The following ADGRV1 variants were observed in gnomAD, a reference collection of about 807,000 sequenced individuals.
ADGRV1 encodes the protein G-protein coupled receptor 98.
A neutral mutation model predicts 596.2 loss-of-function variants in ADGRV1; 359 were observed. The ratio of observed to expected loss-of-function variants is 0.60; its 90% CI spans 0.55 to 0.66. The LOEUF is 0.66. ADGRV1 is among the 30% of genes least tolerant of loss of function. The pLI is 0.00. For missense variants in ADGRV1, 7,274 were observed against 7,575.6 expected (o/e 0.96, Z 1.48); for synonymous variants, 2,681 against 2,679.2 (o/e 1.00, Z -0.02).
chr5:90,999,380 G>T (rs1781680799), intron 85 of ADGRV1, among the ~76,000 whole-genome samples: 1 of 151,834 alleles, frequency 6.6e-6, no homozygotes, highest in Non-Finnish European at 1.5e-5. Context: ...TTAACTCAGG[G>T]TTAAAACGGT....
rs1359745459 is a variant in ADGRV1 at position 90,836,873 on chromosome 5, T to A, written c.16612-3705T>A. Among the ~76,000 whole-genome samples the A allele has an allele frequency of 2.0e-5, 3 of 152,230 alleles. No individual in the cohort carries two copies. In the East Asian group the frequency reaches 5.8e-4, roughly 29 times the overall value. The stretch of plus-strand genomic sequence containing the variant: ...TATTTTCCTGTTGCTTAATTGCCCT[T>A]GTGTTGTTCTCTAAGTGCTAGGCAT... On this transcript the variant is annotated intron_variant, in intron 77 of 89. Coordinates refer to ENST00000405460, the MANE Select transcript of ADGRV1 (RefSeq NM_032119.4).
At chr5:90,987,834 G>C (rs1780620556) in intron 85 of ADGRV1, among the ~76,000 whole-genome samples, 1 of 151,980 alleles carries the variant, frequency 6.6e-6, no homozygotes, top group Non-Finnish European at 1.5e-5. Context: ...CATTATGGAA[G>C]AGCTAAGAAT....
intron 87 of ADGRV1, among the ~76,000 whole-genome samples, chr5:91,139,535 A>C (rs779957778): frequency 5.3e-5 from 8 of 152,220 alleles, no homozygotes; most frequent in Non-Finnish European, 1.0e-4. Context: ...TTTCTCTTCA[A>C]ATGGAACACC....
intron 85 of ADGRV1, among the ~76,000 whole-genome samples, chr5:91,003,795 G>A (rs1257592838): frequency 2.0e-5 from 3 of 152,156 alleles, no homozygotes; most frequent in African/African-American, 7.2e-5. Flanking sequence ...AATATTTACA[G>A]TCATCAAAAT....
intron 87 of ADGRV1, among the ~76,000 whole-genome samples, chr5:91,104,206 G>T (rs1671017456): frequency 6.6e-6 from 1 of 152,108 alleles, no homozygotes; most frequent in African/African-American, 2.4e-5. Context: ...GTAGGTTATT[G>T]TTATATTTCA....
intron 74 of ADGRV1, 35 bp from the exon 75 acceptor site, chr5:90,815,584 T>C: frequency 8.4e-7 from 1 of 1,196,426 alleles, no homozygotes; most frequent in Non-Finnish European, 1.2e-6. Context: ...TAAATAATTC[T>C]TGAATATATT....
intron 1 of ADGRV1, among the ~76,000 whole-genome samples, chr5:90,584,664 C>G (rs1758514039): frequency 6.6e-6 from 1 of 152,206 alleles, no homozygotes; most frequent in Non-Finnish European, 1.5e-5. Context: ...GTGACTTTAG[C>G]TTCCTCACAG....
intron 85 of ADGRV1, among the ~76,000 whole-genome samples, chr5:91,011,618 A>C (rs1032096340): frequency 2.6e-5 from 4 of 151,976 alleles, no homozygotes. Context: ...CTAATCTATA[A>C]AACTAGAAAA....
chr5:90,776,395 A>C, intron 60 of ADGRV1, 58 bp from the exon 61 acceptor site: 1 of 1,534,942 alleles, frequency 6.5e-7, no homozygotes, highest in Non-Finnish European at 8.9e-7. Flanking sequence ...GTTTCCAGGC[A>C]TATACTAAGT....
chr5:91,073,683 A>G (rs888691141), intron 86 of ADGRV1, among the ~76,000 whole-genome samples: 2 of 152,130 alleles, frequency 1.3e-5, no homozygotes, highest in Admixed American at 6.6e-5. Context: ...TTAGCATGCA[A>G]TCATTGTGTT....
chr5:90,855,514 T>C (rs569185857), intron 81 of ADGRV1, among the ~76,000 whole-genome samples: 2 of 152,274 alleles, frequency 1.3e-5, no homozygotes, highest in Non-Finnish European at 2.9e-5. Flanking sequence ...AGGAATGCCT[T>C]CAAAGCTTTG....
At chr5:91,053,972 C>CCACTT (rs1786581720) in intron 85 of ADGRV1, among the ~76,000 whole-genome samples, 1 of 152,008 alleles carries the variant, frequency 6.6e-6, no homozygotes, top group South Asian at 2.1e-4. Context: ...GTGGGTTTTC[C>CCACTT]GTTAGCATAA....
intron 84 of ADGRV1, among the ~76,000 whole-genome samples, chr5:90,967,009 G>A (rs1306846115): frequency 6.6e-6 from 1 of 152,162 alleles, no homozygotes; most frequent in African/African-American, 2.4e-5. Context: ...TAGCAACAGT[G>A]AATTAATGGT....
chr5:90,833,904 G>T (rs1016849179), intron 77 of ADGRV1, among the ~76,000 whole-genome samples: 3 of 151,858 alleles, frequency 2.0e-5, no homozygotes, highest in Admixed American at 2.0e-4. Context: ...TTGTCTGATT[G>T]TCATTAAAAT....
chr5:90,803,908 T>C (rs982463480), intron 71 of ADGRV1, among the ~76,000 whole-genome samples: 2 of 152,162 alleles, frequency 1.3e-5, no homozygotes, highest in Non-Finnish European at 2.9e-5. Flanking sequence ...GTCACAATAC[T>C]GTATCACCCC....
At chr5:90,755,272 T>TTC in intron 55 of ADGRV1, 87 bp downstream of exon 55, 1 of 716,480 alleles carries the variant, frequency 1.4e-6, no homozygotes, top group Non-Finnish European at 2.1e-6. Context: ...TAAAAATCTT[T>TTC]TTTTTAATAA....
rs200697014 is a variant in ADGRV1 at position 90,647,768 on chromosome 5, A to C, written c.3289+4A>C. ...ATAATCCTCTTGAATTCAACAGGTA[A>C]GTAAATTATGCTTTTTTATGGCAGA... On this transcript the variant is annotated splice_donor_region_variant and intron_variant, in intron 17 of 89. Coordinates refer to ENST00000405460, the MANE Select transcript of ADGRV1 (RefSeq NM_032119.4). 40 of 1,608,908 alleles carry C rather than the reference A, an allele frequency of 2.5e-5. No individual in the cohort carries two copies. Among genetic ancestry groups the C allele is most frequent in the Middle Eastern group, 1.7e-4 (1 of 6,034 alleles).
intron 83 of ADGRV1, among the ~76,000 whole-genome samples, chr5:90,910,469 A>G (rs1355028524): frequency 6.6e-6 from 1 of 152,012 alleles, no homozygotes; most frequent in Admixed American, 6.6e-5. Flanking sequence ...AATCGTGTTT[A>G]TTTCATTTTT....
rs368603401 is a variant in ADGRV1 at position 90,810,573 on chromosome 5, T to C, written c.15313T>C (p.Phe5105Leu). 5 of 1,613,902 alleles carry C rather than the reference T, an allele frequency of 3.1e-6. No homozygotes were observed. Among genetic ancestry groups the C allele is most frequent in the South Asian group, 2.2e-5 (2 of 91,076 alleles). Reference sequence around the variant, plus strand: ...AGTAGAAATTAGGGGATTACAAAAGTTTGATGTTAATTGGAGCCCACGCCT... The same window carrying C: ...AGTAGAAATTAGGGGATTACAAAAGCTTGATGTTAATTGGAGCCCACGCCT... ...TSVEIRGLQK[F>L]DVNWSPRLNL... Residue 5105 changes from phenylalanine to leucine, a missense_variant, in exon 74 of 90, where the codon TTT becomes CTT. Phe to Leu is a conservative substitution (Grantham distance 22). This residue lies in a region of ADGRV1 where 1,874 missense variants were observed against 1,970.2 expected (regional missense o/e 0.95). Coordinates refer to ENST00000405460, the MANE Select transcript of ADGRV1 (RefSeq NM_032119.4).
Sources: allele counts gnomAD v4.1 joint callset (sites outside exome capture counted in the v4.1 genomes callset), GRCh38; gene constraint gnomAD v4.1.1; regional missense constraint gnomAD v4.1.1; transcripts MANE v1.5; gene names NCBI Gene and HGNC (gene_info 2026-07-23, HGNC 2026-07-21).